The following TRIM67 variants were observed in gnomAD, a reference collection of about 807,000 sequenced individuals.
The protein encoded by TRIM67 is tripartite motif-containing protein 67.
A neutral mutation model predicts 71.0 loss-of-function variants in TRIM67; 39 were observed. The ratio of observed to expected loss-of-function variants is 0.55; its 90% CI spans 0.43 to 0.72. The LOEUF (loss-of-function observed/expected upper bound fraction) is 0.72. Ranked by LOEUF, TRIM67 falls within the 30% of genes least tolerant of loss-of-function variation. The pLI, the probability that TRIM67 is intolerant of heterozygous loss-of-function variation, is 0.00. For synonymous variants in TRIM67, 481 were observed against 473.9 expected (o/e 1.01, Z -0.19); for missense variants, 973 against 1,079.2 (o/e 0.90, Z 1.38).
chr1:231,177,904 C>T (rs1408076036), intron 1 of TRIM67, among the ~76,000 whole-genome samples: 3 of 152,192 alleles, frequency 2.0e-5, no homozygotes, highest in Non-Finnish European at 4.4e-5. Flanking sequence ...ATGAATAGGA[C>T]TTAACACTAA....
chr1:231,163,197 C>G lies in TRIM67; in HGVS notation c.228C>G (p.Ala76=), dbSNP rs1219719058. 8.7e-6 allele frequency: 13 copies of G among 1,494,614 alleles called. No homozygotes were observed. The East Asian group carries it at 3.6e-4, about 41-fold the overall frequency. The allele number at this position is 1,494,614 out of a possible 1,614,324, so 92.6% of individuals were successfully genotyped here. ...AGCACGACGCTGCGGCTGGCCCGGCCTGCGGCGGTGCAGGCGGGAGTGCAG... is the reference window on the plus strand; with the variant it reads ...AGCACGACGCTGCGGCTGGCCCGGCGTGCGGCGGTGCAGGCGGGAGTGCAG... ...SLEHDAAAGP[A]CGGAGGSAAG... is the part of the protein sequence containing the mutation. The change falls in exon 1 of 10, where the codon GCC becomes GCG. Residue 76 remains alanine (A), a synonymous_variant. Transcript: ENST00000366653.
chr1:231,181,460 T>C (rs148040024), intron 1 of TRIM67, among the ~76,000 whole-genome samples: 16 of 152,302 alleles, frequency 1.1e-4, no homozygotes, highest in African/African-American at 3.6e-4. Flanking sequence ...AGCTTCCAAG[T>C]TGGGGGGTGG....
chr1:231,184,780 C>A (rs939918426), intron 1 of TRIM67: 11 of 557,658 alleles, frequency 2.0e-5, no homozygotes, highest in Non-Finnish European at 3.2e-5. Context: ...AGTGCCAGTC[C>A]CTGAACCCAG....
Position 231,199,933 on chromosome 1 carries a change from T to C in TRIM67, c.1264-215T>C, listed in dbSNP as rs181097993. On this transcript the variant is annotated intron_variant, in intron 3 of 9. Coordinates refer to ENST00000366653, the MANE Select transcript of TRIM67 (RefSeq NM_001004342.5). ...TTAGAAAGGTTTCTGTGTTGGGTGTTGTAGCCCTGCTTGTTAGGAAGTGAG... is the reference window on the plus strand; with the variant it reads ...TTAGAAAGGTTTCTGTGTTGGGTGTCGTAGCCCTGCTTGTTAGGAAGTGAG... 5.4e-4 allele frequency among the ~76,000 whole-genome samples: 83 copies of C among 152,326 alleles called. 1 individual carries two copies. The East Asian group carries it at 0.013, about 23-fold the overall frequency.
chr1:231,214,778 CAAAAAAAAAAAAA>C (rs748778482), intron 9 of TRIM67, among the ~76,000 whole-genome samples: 6 of 43,928 alleles, frequency 1.4e-4, no homozygotes, highest in East Asian at 6.6e-4. Flanking sequence ...GACTTCATCT[CAAAAAAAAAAAAA>C]AAAAAAAAAA....
At chr1:231,170,550 C>T (rs1682595906) in intron 1 of TRIM67, among the ~76,000 whole-genome samples, 1 of 152,092 alleles carries the variant, frequency 6.6e-6, no homozygotes, top group Admixed American at 6.5e-5. Context: ...ATATTTTTAG[C>T]CTGCAATGGA....
rs370312974 is a variant in TRIM67 at position 231,201,379 on chromosome 1, C to T, written c.1396C>T (p.Arg466Cys). Residue 466 changes from arginine to cysteine, a missense_variant, in exon 5 of 10, where the codon CGC (arginine) becomes TGC (cysteine). Arg to Cys is a radical substitution (Grantham distance 180). Coordinates refer to ENST00000366653, the MANE Select transcript of TRIM67 (RefSeq NM_001004342.5). The part of the protein sequence containing the change: ...FLQISDALIK[R>C]VQVSQEQWVK... ...TAAGATCTCAGATGCTCTGATCAAG[C>T]GCGTCCAGGTGTCTCAGGAGCAGTG... The T allele has an allele frequency of 6.2e-6, 10 of 1,613,012 alleles. No homozygotes were observed. The highest frequency in any genetic ancestry group is 7.6e-6 in the Non-Finnish European group (9 of 1,179,564).
chr1:231,204,498 T>G (rs1683641411), intron 6 of TRIM67, among the ~76,000 whole-genome samples: 1 of 152,208 alleles, frequency 6.6e-6, no homozygotes, highest in African/African-American at 2.4e-5. Context: ...GTCATGTCCC[T>G]GCTGATAGAC....
intron 1 of TRIM67, among the ~76,000 whole-genome samples, chr1:231,167,814 C>G (rs1320051196): frequency 1.3e-5 from 2 of 152,082 alleles, no homozygotes; most frequent in African/African-American, 4.8e-5. Context: ...GCTGTCTTAC[C>G]TTATTTTGTA....
Position 231,217,034 on chromosome 1 carries a change from C to A in TRIM67, c.*1594C>A. 1.0e-6 allele frequency: 1 copy of A among 985,918 alleles called. No homozygotes were observed. The highest frequency in any genetic ancestry group is 1.2e-6 in the Non-Finnish European group (1 of 829,944). The allele number at this position is 985,918 out of a possible 1,614,324, so 61.1% of individuals were successfully genotyped here. The stretch of plus-strand genomic sequence containing the variant: ...CGCCCATTCACCAGCACCAACTGTG[C>A]GTCCTTGGTTCTGCCTTCCTGTTCA... On this transcript the variant is annotated 3_prime_UTR_variant, in exon 10 of 10. Coordinates refer to ENST00000366653, the MANE Select transcript of TRIM67 (RefSeq NM_001004342.5).
intron 1 of TRIM67, among the ~76,000 whole-genome samples, chr1:231,188,553 T>C (rs1481034662): frequency 2.0e-5 from 3 of 152,158 alleles, no homozygotes; most frequent in Non-Finnish European, 2.9e-5. Context: ...TCCTTCCACG[T>C]TGGTTGAACA....
At position 231,216,766 on chromosome 1, in the gene TRIM67, C is replaced by A; in HGVS notation, c.*1326C>A. ...CACCAGGCTTCTCCCTTGAGATCCA[C>A]ATTGATTCATCCACACCTCTCAGAG... On this transcript the variant is annotated 3_prime_UTR_variant, in exon 10 of 10. Coordinates refer to ENST00000366653, the MANE Select transcript of TRIM67 (RefSeq NM_001004342.5). The A allele has an allele frequency of 1.0e-6, 1 of 985,498 alleles. No individual in the cohort carries two copies. Among genetic ancestry groups the A allele is most frequent in the Non-Finnish European group, 1.2e-6 (1 of 829,948 alleles). The allele number at this position is 985,498 out of a possible 1,614,324, so 61.0% of individuals were successfully genotyped here. A position where few individuals can be genotyped will look rare whatever the true frequency, so the allele number is the denominator to read the frequency against.
intron 1 of TRIM67, among the ~76,000 whole-genome samples, chr1:231,178,663 A>C (rs1218266994): frequency 6.6e-6 from 1 of 152,196 alleles, no homozygotes; most frequent in Non-Finnish European, 1.5e-5. Flanking sequence ...AGAAAGATCT[A>C]TTCTGGGATT....
rs1026471167 is a variant in TRIM67, at chr1:231,217,379, G to A, written c.*1939G>A. On this transcript the variant is annotated 3_prime_UTR_variant, in exon 10 of 10. Coordinates refer to ENST00000366653, the MANE Select transcript of TRIM67 (RefSeq NM_001004342.5). ...CCCAGAGCCCTGTCCAGAGCTCTTGGTGGTGACACACAAGACCTGGGACCC... is the reference window on the plus strand; with the variant it reads ...CCCAGAGCCCTGTCCAGAGCTCTTGATGGTGACACACAAGACCTGGGACCC... The A allele has an allele frequency of 2.0e-6, 2 of 986,706 alleles. No individual in the cohort carries two copies. Among genetic ancestry groups the A allele is most frequent in the Non-Finnish European group, 2.4e-6 (2 of 830,936 alleles). The allele number at this position is 986,706 out of a possible 1,614,324, so 61.1% of individuals were successfully genotyped here.
rs996833152 is a variant in TRIM67 at position 231,162,612 on chromosome 1, G to A, written c.-358G>A. On this transcript the variant is annotated 5_prime_UTR_variant, in exon 1 of 10. Coordinates refer to ENST00000366653, the MANE Select transcript of TRIM67 (RefSeq NM_001004342.5). The stretch of plus-strand genomic sequence containing the variant: ...CGGCCGCTGGTCCTGGGGTGGAGAG[G>A]AGGCGCGCGCTGCAGCCGGCGGCGG... The A allele has an allele frequency of 7.7e-6, 2 of 259,930 alleles. No individual in the cohort carries two copies. Among genetic ancestry groups the A allele is most frequent in the Non-Finnish European group, 1.5e-5 (2 of 136,970 alleles). The allele number at this position is 259,930 out of a possible 1,614,324, so 16.1% of individuals were successfully genotyped here. A position where few individuals can be genotyped will look rare whatever the true frequency, so the allele number is the denominator to read the frequency against.
In TRIM67 at chr1:231,162,760, C is replaced by T. The variant is rs918664956; in HGVS notation, c.-210C>T. 2.0e-5 allele frequency: 12 copies of T among 614,946 alleles called. No individual in the cohort carries two copies. Among genetic ancestry groups the T allele is most frequent in the South Asian group, 4.3e-5 (2 of 46,820 alleles). The allele number at this position is 614,946 out of a possible 1,614,324, so 38.1% of individuals were successfully genotyped here. On this transcript the variant is annotated 5_prime_UTR_variant, in exon 1 of 10. Transcript: ENST00000366653. ...GGACCCTCGGGCAGGAGGTGAGGAC[C>T]CCCTCCCTTCTCTCGCCCCTCAATC...
chr1:231,203,693 G>A (rs929477272), intron 5 of TRIM67, among the ~76,000 whole-genome samples, 174 bp from the exon 6 acceptor site: 11 of 152,302 alleles, frequency 7.2e-5, no homozygotes, highest in African/African-American at 2.6e-4. Flanking sequence ...TTCATCCCCA[G>A]CCCACCTGGA....
rs766194008 is a variant in TRIM67 at position 231,206,718 on chromosome 1, G to A, written c.1747G>A (p.Ala583Thr). 3.7e-6 allele frequency: 6 copies of A among 1,611,466 alleles called. No homozygotes were observed. The highest frequency in any genetic ancestry group is 2.2e-5 in the East Asian group (1 of 44,638). Residue 583 changes from alanine to threonine, a missense_variant, in exon 7 of 10, where the codon GCC becomes ACC. Coordinates refer to ENST00000366653, the MANE Select transcript of TRIM67 (RefSeq NM_001004342.5). ...DGLHFNSTYNARVKAFNSSGV... is the reference protein window; with the variant it reads ...DGLHFNSTYNTRVKAFNSSGV... ...TCTTCACTTCAACAGCACCTACAACGCCCGAGTCAAAGCTTTCAACTCTTC... is the reference window on the plus strand; with the variant it reads ...TCTTCACTTCAACAGCACCTACAACACCCGAGTCAAAGCTTTCAACTCTTC...
rs569506005 is a variant in TRIM67 at position 231,162,516 on chromosome 1, G to T, written c.-454G>T. On this transcript the variant is annotated 5_prime_UTR_variant, in exon 1 of 10. Transcript: ENST00000366653. Reference sequence around the variant, plus strand: ...TATCACCCCGATAAGGAGTTGGGCCGGGGCAGAAGGGGGGCCTCGGGGTAG... The same window carrying T: ...TATCACCCCGATAAGGAGTTGGGCCTGGGCAGAAGGGGGGCCTCGGGGTAG... 2.4e-3 allele frequency: 427 copies of T among 177,576 alleles called. 1 individual carries two copies. Among genetic ancestry groups the T allele is most frequent in the African/African-American group, 9.3e-3 (391 of 41,888 alleles). The allele number at this position is 177,576 out of a possible 1,614,324, so 11.0% of individuals were successfully genotyped here. A position where few individuals can be genotyped will look rare whatever the true frequency, so the allele number is the denominator to read the frequency against.
Sources: gnomAD v4.1 joint callset for allele counts (sites outside exome capture counted in the v4.1 genomes callset) on GRCh38, gnomAD v4.1.1 for gene constraint, MANE v1.5 for transcripts, NCBI Gene and HGNC (gene_info 2026-07-23, HGNC 2026-07-21) for gene names.